RBFOX1: variants seen among roughly 807,000 people sequenced by gnomAD.
The protein encoded by RBFOX1 is RNA binding fox-1 homolog 1.
Under a neutral mutation model 57.7 loss-of-function variants are expected in RBFOX1, and 8 were observed. The ratio of observed to expected loss-of-function variants is 0.14; its 90% CI spans 0.08 to 0.25. The LOEUF is 0.25. RBFOX1 is among the 10% of genes least tolerant of loss of function. RBFOX1 has a pLI of 1.00. For missense variants in RBFOX1, 611 were observed against 548.5 expected (o/e 1.11, Z -1.14); for synonymous variants, 326 against 222.4 (o/e 1.47, Z -4.15).
At chr16:7,169,406 T>G (rs2080232967) in intron 4 of RBFOX1, among the ~76,000 whole-genome samples, 1 of 152,214 alleles carries the variant, frequency 6.6e-6, no homozygotes, top group Non-Finnish European at 1.5e-5. Context: ...GGATCCACTG[T>G]GCATTTGCAC....
chr16:7,194,005 G>C (rs7200414), intron 4 of RBFOX1, among the ~76,000 whole-genome samples: 97,174 of 151,582 alleles, frequency 0.64, 31,783 homozygotes, highest in African/African-American at 0.77. Context: ...AGTATAAGCC[G>C]TATCATATTA....
In RBFOX1 at chr16:6,857,096, T is replaced by G. The variant is rs563801766; in HGVS notation, c.-15-194961T>G. Among the ~76,000 whole-genome samples, 25 of 152,266 alleles carry G rather than the reference T, an allele frequency of 1.6e-4. 1 individual carries two copies. In the South Asian group the frequency reaches 4.6e-3, roughly 28 times the overall value. ...TCTTTCTTATTTGTTGTGAAGTGAT[T>G]GCTTCAAAAACCCTGACACAAATCT... On this transcript the variant is annotated intron_variant, in intron 3 of 15. Transcript: ENST00000550418.
At chr16:5,868,157 T>G (rs1164836159) in intron 4 of RBFOX1, among the ~76,000 whole-genome samples, 3 of 152,170 alleles carry the variant, frequency 2.0e-5, no homozygotes, top group Non-Finnish European at 4.4e-5. Flanking sequence ...TGTAATGTAA[T>G]GGGCTCCTGC....
At chr16:7,146,206 T>G (rs1411821761) in intron 4 of RBFOX1, among the ~76,000 whole-genome samples, 1 of 128,414 alleles carries the variant, frequency 7.8e-6, no homozygotes, top group African/African-American at 2.9e-5. Context: ...CTTCCCCATT[T>G]CCCATGATAC....
intron 4 of RBFOX1, among the ~76,000 whole-genome samples, chr16:7,327,454 TGTGA>T (rs1253020636): frequency 1.3e-5 from 2 of 152,238 alleles, no homozygotes; most frequent in East Asian, 3.8e-4. Context: ...TGAGTGATTG[TGTGA>T]GTAATTACAT....
intron 2 of RBFOX1, among the ~76,000 whole-genome samples, chr16:6,462,697 C>A (rs74005206): frequency 6.6e-6 from 1 of 150,648 alleles, no homozygotes; most frequent in Non-Finnish European, 1.5e-5. Flanking sequence ...ATGTTTTTAC[C>A]CCCCACCGCC....
chr16:5,549,915 G>C (rs2045388739), intron 2 of RBFOX1, among the ~76,000 whole-genome samples: 1 of 152,232 alleles, frequency 6.6e-6, no homozygotes, highest in Non-Finnish European at 1.5e-5. Flanking sequence ...CTTGCACAAT[G>C]AACTGAGGTT....
At chr16:6,242,127 G>A (rs1366808533) in intron 1 of RBFOX1, among the ~76,000 whole-genome samples, 6 of 152,124 alleles carry the variant, frequency 3.9e-5, no homozygotes, top group African/African-American at 9.7e-5. Context: ...TTCCATTCAT[G>A]TATAAGTCCT....
chr16:6,251,183 A>G (rs750328446), intron 1 of RBFOX1, among the ~76,000 whole-genome samples: 1 of 152,186 alleles, frequency 6.6e-6, no homozygotes, highest in Non-Finnish European at 1.5e-5. Flanking sequence ...CTTATTTGGC[A>G]TTTACTATGT....
chr16:6,546,775 A>T (rs867578028), intron 2 of RBFOX1, among the ~76,000 whole-genome samples: 2 of 152,350 alleles, frequency 1.3e-5, no homozygotes, highest in Admixed American at 6.5e-5. Flanking sequence ...CCTAGCGGAT[A>T]CATATCCTAT....
chr16:7,309,915 C>G (rs1237745271), intron 4 of RBFOX1, among the ~76,000 whole-genome samples: 1 of 152,072 alleles, frequency 6.6e-6, no homozygotes, highest in African/African-American at 2.4e-5. Flanking sequence ...GAGAAGTGTC[C>G]CAATGTTCTG....
chr16:5,792,209 C>T lies in RBFOX1; in HGVS notation c.319-75094C>T, dbSNP rs867874156. On this transcript the variant is annotated intron_variant, in intron 3 of 19. Transcript: ENST00000641259. Reference sequence around the variant, plus strand: ...ATTTTCAAGTGATGTGTGTATGCTGCTGGCACTGAATGGCTTCTCTGTAAA... The same window carrying T: ...ATTTTCAAGTGATGTGTGTATGCTGTTGGCACTGAATGGCTTCTCTGTAAA... Among the ~76,000 whole-genome samples, 131 of 152,316 alleles carry T rather than the reference C, an allele frequency of 8.6e-4. 1 individual carries two copies. The highest frequency in any genetic ancestry group is 3.0e-3 in the African/African-American group (125 of 41,572).
chr16:6,802,270 G>C (rs187532826), intron 3 of RBFOX1, among the ~76,000 whole-genome samples: 3 of 152,260 alleles, frequency 2.0e-5, no homozygotes, highest in Non-Finnish European at 4.4e-5. Flanking sequence ...AGTAGTTGTG[G>C]AGGCCTGTGT....
chr16:6,777,556 G>C (rs1015330669), intron 3 of RBFOX1, among the ~76,000 whole-genome samples: 1 of 152,046 alleles, frequency 6.6e-6, no homozygotes, highest in African/African-American at 2.4e-5. Context: ...GACCTTGCAG[G>C]CCTGTTTGCA....
intron 3 of RBFOX1, among the ~76,000 whole-genome samples, chr16:5,696,047 T>A (rs1475804467): frequency 1.3e-5 from 2 of 152,188 alleles, no homozygotes; most frequent in Admixed American, 1.3e-4. Flanking sequence ...TGAATACAAA[T>A]AGCTAAATCC....
At chr16:6,937,889 G>A (rs1378445896) in intron 3 of RBFOX1, among the ~76,000 whole-genome samples, 1 of 145,398 alleles carries the variant, frequency 6.9e-6, no homozygotes, top group African/African-American at 2.6e-5. Flanking sequence ...AGGGAGATGG[G>A]TATCATGAGG....
chr16:7,414,644 A>G (rs890100345), intron 4 of RBFOX1, among the ~76,000 whole-genome samples: 6 of 152,080 alleles, frequency 3.9e-5, no homozygotes, highest in Admixed American at 3.9e-4. Flanking sequence ...TTGAGATCAA[A>G]GCTCACTCTG....
rs991479575 is a variant in RBFOX1 at position 6,091,800 on chromosome 16, C to T, written c.-127+71808C>T. Among the ~76,000 whole-genome samples the T allele has an allele frequency of 1.1e-4, 17 of 152,326 alleles. No individual in the cohort carries two copies. In the East Asian group the frequency reaches 2.9e-3, roughly 26 times the overall value. ...GAGCCAAGATTGCGCCACTGCACTC[C>T]ACCCTGTATGACACAGTGAGACTCT... On this transcript the variant is annotated intron_variant, in intron 1 of 15. Transcript: ENST00000550418.
intron 2 of RBFOX1, among the ~76,000 whole-genome samples, chr16:6,455,539 G>C (rs1338137729): frequency 1.3e-5 from 2 of 152,140 alleles, no homozygotes; most frequent in Non-Finnish European, 2.9e-5. Flanking sequence ...TAATCACTGT[G>C]AAGCTGATGA....
Sources: allele counts gnomAD v4.1 joint callset (sites outside exome capture counted in the v4.1 genomes callset), GRCh38; gene constraint gnomAD v4.1.1; transcripts MANE v1.5; gene names NCBI Gene and HGNC (gene_info 2026-07-23, HGNC 2026-07-21).